The following NRCAM variants were observed in gnomAD, a reference collection of about 807,000 sequenced individuals.
NRCAM encodes NgCAM-related cell adhesion molecule.
In NRCAM, 83 loss-of-function variants were observed where a neutral mutation model predicts 156.5. The observed-to-expected ratio is 0.53, with a 90% confidence interval of 0.44 to 0.64. The LOEUF is 0.64. Ranked by LOEUF, NRCAM falls within the 30% of genes least tolerant of loss-of-function variation. The pLI is 0.00. For missense variants in NRCAM, 1,417 were observed against 1,597.3 expected (o/e 0.89, Z 1.92); for synonymous variants, 538 against 563.9 (o/e 0.95, Z 0.65).
chr7:108,199,243 A>T (rs1227776548), intron 13 of NRCAM, among the ~76,000 whole-genome samples: 1 of 142,232 alleles, frequency 7.0e-6, no homozygotes, highest in African/African-American at 2.5e-5. Flanking sequence ...CACTTTTAAA[A>T]TAAAAAAAAA....
rs552107288 is a variant in NRCAM, at chr7:108,316,395, CCTAGT to C, written c.-173-3669_-173-3665del. On this transcript the variant is annotated intron_variant, in intron 2 of 32. Coordinates refer to ENST00000379028, the MANE Select transcript of NRCAM (RefSeq NM_001037132.4). Reference sequence around the variant, plus strand: ...ATACATTTATTTTCCTTATAAATTACCTAGTCTATAGTACTCTGTTGCACAAAACA... The same window carrying C: ...ATACATTTATTTTCCTTATAAATTACCTATAGTACTCTGTTGCACAAAACA... Among the ~76,000 whole-genome samples, 62 of 152,300 alleles carry C rather than the reference CCTAGT, an allele frequency of 4.1e-4. 1 individual carries two copies. Among genetic ancestry groups the C allele is most frequent in the Middle Eastern group, 3.4e-3 (1 of 294 alleles).
In NRCAM at chr7:108,232,485, C is replaced by T. The variant is rs766115669; in HGVS notation, c.268G>A (p.Asp90Asn). ...TTCATGGTGACCAGAGGGTCTTTAT[C>T]GATGTCAAAATGAGTCCCATTACGG... ...WTRNGTHFDIDKDPLVTMKPG... is the reference protein window; with the variant it reads ...WTRNGTHFDINKDPLVTMKPG... The change falls in exon 7 of 33, where the codon GAT becomes AAT. Residue 90 changes from aspartate to asparagine, a missense_variant. Physicochemically the swap from Asp to Asn is conservative, Grantham distance 23. This residue lies in a region of NRCAM where 1,238 missense variants were observed against 1,336.4 expected (regional missense o/e 0.93). Coordinates refer to ENST00000379028, the MANE Select transcript of NRCAM (RefSeq NM_001037132.4). 6.0e-5 allele frequency: 97 copies of T among 1,612,618 alleles called. No homozygotes were observed. The highest frequency in any genetic ancestry group is 8.0e-5 in the Non-Finnish European group (94 of 1,179,492).
intron 3 of NRCAM, among the ~76,000 whole-genome samples, chr7:108,264,729 A>G (rs1208307324): frequency 6.6e-6 from 1 of 152,162 alleles, no homozygotes; most frequent in African/African-American, 2.4e-5. Flanking sequence ...AACACCTAAT[A>G]ACTCTCTTTC....
At chr7:108,360,919 T>C (rs1383419076) in intron 2 of NRCAM, among the ~76,000 whole-genome samples, 1 of 152,128 alleles carries the variant, frequency 6.6e-6, no homozygotes, top group Non-Finnish European at 1.5e-5. Flanking sequence ...TAGAAAACCA[T>C]TTTTTATATA....
intron 2 of NRCAM, among the ~76,000 whole-genome samples, chr7:108,354,540 T>C (rs909281933): frequency 3.3e-5 from 5 of 152,220 alleles, no homozygotes; most frequent in African/African-American, 7.2e-5. Context: ...AGAGCATCTA[T>C]AGACATATAG....
intron 3 of NRCAM, among the ~76,000 whole-genome samples, chr7:108,277,859 C>T (rs2097699229): frequency 6.6e-6 from 1 of 152,160 alleles, no homozygotes; most frequent in African/African-American, 2.4e-5. Context: ...TCTGGTTTCT[C>T]CTCATCTTTG....
chr7:108,191,628 T>C (rs2153444592), intron 18 of NRCAM, 101 bp downstream of exon 18: 2 of 1,382,542 alleles, frequency 1.4e-6, no homozygotes, highest in Non-Finnish European at 1.9e-6. Flanking sequence ...CACCCATGCA[T>C]ATTAACAAGC....
chr7:108,243,402 C>T (rs894951375), intron 3 of NRCAM, among the ~76,000 whole-genome samples: 6 of 152,186 alleles, frequency 3.9e-5, no homozygotes, highest in Admixed American at 3.9e-4. Context: ...CAAAGAAAAA[C>T]CACCGCTTTG....
intron 11 of NRCAM, among the ~76,000 whole-genome samples, chr7:108,223,227 T>C (rs1474397029): frequency 6.6e-6 from 1 of 152,156 alleles, no homozygotes; most frequent in East Asian, 1.9e-4. Context: ...CTGAGCCACC[T>C]AACAGATACA....
intron 2 of NRCAM, among the ~76,000 whole-genome samples, chr7:108,357,882 C>G (rs1354054158): frequency 6.6e-6 from 1 of 152,100 alleles, no homozygotes; most frequent in Non-Finnish European, 1.5e-5. Flanking sequence ...AAGAATAAAG[C>G]TAAAAACATT....
At position 108,154,708 on chromosome 7, in the gene NRCAM, T is replaced by C. The variant is rs1490016287; in HGVS notation, c.3678-4561A>G. The stretch of plus-strand genomic sequence containing the variant: ...GATATAATATCATATACTTCAATAA[T>C]TAGAATCCGGTTAAATGAGAAAAAA... On this transcript the variant is annotated intron_variant, in intron 32 of 32. Coordinates refer to ENST00000379028, the MANE Select transcript of NRCAM (RefSeq NM_001037132.4). 3.9e-5 allele frequency among the ~76,000 whole-genome samples: 6 copies of C among 152,304 alleles called. No homozygotes were observed. In the East Asian group the frequency reaches 1.2e-3, roughly 29 times the overall value.
At chr7:108,418,335 G>T (rs749996030) in intron 1 of NRCAM, among the ~76,000 whole-genome samples, 1 of 152,146 alleles carries the variant, frequency 6.6e-6, no homozygotes, top group African/African-American at 2.4e-5. Context: ...TGAGAAGAAA[G>T]ACAAGTCCAC....
intron 2 of NRCAM, among the ~76,000 whole-genome samples, chr7:108,319,894 T>A (rs1170757495): frequency 1.3e-5 from 2 of 152,206 alleles, no homozygotes; most frequent in African/African-American, 4.8e-5. Context: ...TTTCAGCCTT[T>A]TATCCTAAGG....
intron 2 of NRCAM, among the ~76,000 whole-genome samples, chr7:108,341,182 A>G (rs1409050440): frequency 6.6e-6 from 1 of 152,232 alleles, no homozygotes; most frequent in Non-Finnish European, 1.5e-5. Context: ...CCCAGGGGAC[A>G]AAGGTCCTCT....
intron 1 of NRCAM, among the ~76,000 whole-genome samples, chr7:108,405,910 G>A (rs976592946): frequency 1.3e-5 from 2 of 151,776 alleles, no homozygotes; most frequent in African/African-American, 4.8e-5. Flanking sequence ...CTTGGGCCCA[G>A]AAGTTCAAGA....
chr7:108,184,112 TTATATATA>T (rs10561815), intron 22 of NRCAM, 121 bp downstream of exon 22: 2 of 434,154 alleles, frequency 4.6e-6, no homozygotes, highest in African/African-American at 4.9e-5. Context: ...ATATGTATCT[TTATATATA>T]TATATATATT....
In NRCAM at chr7:108,421,219, CTTATG is replaced by C. The variant is rs1228152813; in HGVS notation, c.-331-21631_-331-21627del. Among the ~76,000 whole-genome samples, 6 of 152,192 alleles carry C rather than the reference CTTATG, an allele frequency of 3.9e-5. No individual in the cohort carries two copies. The East Asian group carries it at 1.2e-3, about 29-fold the overall frequency. On this transcript the variant is annotated intron_variant, in intron 1 of 32. Coordinates refer to ENST00000379028, the MANE Select transcript of NRCAM (RefSeq NM_001037132.4). ...GTAAAACAATATAAAAGAATAATAT[CTTATG>C]TTAGATGGAGTGGAATAGGCTGAAA...
intron 11 of NRCAM, among the ~76,000 whole-genome samples, chr7:108,217,668 C>T (rs962487455): frequency 1.3e-5 from 2 of 152,162 alleles, no homozygotes; most frequent in African/African-American, 4.8e-5. Flanking sequence ...CTTTGCTGAG[C>T]TGTGGTAGGC....
intron 6 of NRCAM, among the ~76,000 whole-genome samples, chr7:108,233,300 T>C (rs2094536089): frequency 6.6e-6 from 1 of 152,192 alleles, no homozygotes; most frequent in African/African-American, 2.4e-5. Flanking sequence ...CAGTGTTTTC[T>C]AGGATCACTT....
Sources: gnomAD v4.1 joint callset for allele counts (sites outside exome capture counted in the v4.1 genomes callset) on GRCh38, gnomAD v4.1.1 for gene constraint, gnomAD v4.1.1 regional missense constraint, MANE v1.5 for transcripts, NCBI Gene and HGNC (gene_info 2026-07-23, HGNC 2026-07-21) for gene names.